The following GRK5 variants were observed in gnomAD, a reference collection of about 807,000 sequenced individuals.
GRK5 encodes g protein-coupled receptor kinase GRK5.
GRK5 carries 40 observed loss-of-function variants against 78.4 expected under a neutral mutation model. The observed-to-expected ratio is 0.51, with a 90% CI of 0.40 to 0.66. The LOEUF (loss-of-function observed/expected upper bound fraction) is 0.66. Ranked by LOEUF, GRK5 falls within the 30% of genes least tolerant of loss-of-function variation. The probability of loss-of-function intolerance (pLI) is 0.00; values close to 1 mark genes in which losing one functional copy is unlikely to be tolerated. For missense variants in GRK5, 598 were observed against 759.9 expected, an observed-to-expected ratio of 0.79 and a Z score of 2.50; for synonymous variants, 289 against 296.8, an observed-to-expected ratio of 0.97 and a Z score of 0.27.
At chr10:119,243,201 C>T (rs984265734) in intron 1 of GRK5, among the ~76,000 whole-genome samples, 6 of 152,210 alleles carry the variant, frequency 3.9e-5, no homozygotes, top group Non-Finnish European at 8.8e-5. Context: ...CACACCACTG[C>T]ATTCCCACCT....
At chr10:119,279,682 C>T (rs1053350595) in intron 1 of GRK5, among the ~76,000 whole-genome samples, 9 of 152,148 alleles carry the variant, frequency 5.9e-5, no homozygotes, top group African/African-American at 1.7e-4. Context: ...CCAGCTCCAA[C>T]GCTGCAGGGC....
At chr10:119,343,021 G>T (rs114438658) in intron 2 of GRK5, among the ~76,000 whole-genome samples, 58 of 152,332 alleles carry the variant, frequency 3.8e-4, no homozygotes, top group African/African-American at 1.4e-3. Flanking sequence ...CCCTGGGCAA[G>T]ATCCTGTGGA....
At chr10:119,246,577 G>A (rs1849116928) in intron 1 of GRK5, among the ~76,000 whole-genome samples, 1 of 152,194 alleles carries the variant, frequency 6.6e-6, no homozygotes, top group Non-Finnish European at 1.5e-5. Flanking sequence ...TTGGGTTAAG[G>A]GTTAAGTAAT....
intron 3 of GRK5, among the ~76,000 whole-genome samples, chr10:119,393,888 ATG>A (rs775651444): frequency 7.2e-6 from 1 of 139,306 alleles, no homozygotes; most frequent in East Asian, 2.3e-4. Context: ...GGGTGTCTGT[ATG>A]TGTGTGTGTA....
chr10:119,224,556 C>T (rs1848705312), intron 1 of GRK5, among the ~76,000 whole-genome samples: 1 of 151,982 alleles, frequency 6.6e-6, no homozygotes, highest in African/African-American at 2.4e-5. Flanking sequence ...ATTACAGGCG[C>T]CCGCCACCAT....
chr10:119,252,752 C>T (rs533563535), intron 1 of GRK5, among the ~76,000 whole-genome samples: 7 of 152,160 alleles, frequency 4.6e-5, no homozygotes, highest in Admixed American at 1.3e-4. Flanking sequence ...GGGCAAGTGT[C>T]TGTGAAGGGC....
chr10:119,356,351 A>C (rs1005599713), intron 2 of GRK5, among the ~76,000 whole-genome samples: 1 of 152,248 alleles, frequency 6.6e-6, no homozygotes, highest in Non-Finnish European at 1.5e-5. Context: ...TTAGTGGTCC[A>C]TCAGGGAATC....
In GRK5 at chr10:119,442,060, CG is replaced by C; in HGVS notation, c.1031del (p.Gly344AlafsTer14). The C allele has an allele frequency of 6.2e-7, 1 of 1,613,942 alleles. No homozygotes were observed. The highest frequency in any genetic ancestry group is 8.5e-7 in the Non-Finnish European group (1 of 1,179,900). On this transcript the variant is annotated frameshift_variant, in exon 11 of 16. Transcript: ENST00000392870. LOFTEE classifies it high-confidence loss of function. The part of the protein sequence containing the change: ...VKIPEGDLIR[G>X]RVGTVGYMAP... Reference sequence around the variant, plus strand: ...AGATCCCCGAGGGAGACCTGATCCGCGGCCGGGTGGGCACTGTTGGCTACAT... The same window carrying C: ...AGATCCCCGAGGGAGACCTGATCCGCGCCGGGTGGGCACTGTTGGCTACAT...
At chr10:119,443,825 C>A in intron 12 of GRK5, 73 bp downstream of exon 12, 1 of 1,301,936 alleles carries the variant, frequency 7.7e-7, no homozygotes, top group Non-Finnish European at 1.1e-6. Flanking sequence ...CAGTCTGTCC[C>A]CAGAACAGCA....
In GRK5 at chr10:119,217,805, G is replaced by A. The variant is rs1354897763; in HGVS notation, c.52+9836G>A. ...CTGGCCGCTTACTGCTCCTTAGGAG[G>A]TTCTCGCCCTCAGTTACCTCTGCCT... On this transcript the variant is annotated intron_variant, in intron 1 of 15. Transcript: ENST00000392870. This position sits in a 1 kb window ranked among gnomAD's most constrained non-coding sequence, Gnocchi z 4.1. Among the ~76,000 whole-genome samples the A allele has an allele frequency of 6.6e-6, 1 of 152,202 alleles. No homozygotes were observed. The highest frequency in any genetic ancestry group is 1.9e-4 in the East Asian group (1 of 5,202).
intron 1 of GRK5, among the ~76,000 whole-genome samples, chr10:119,316,480 G>A (rs1028626856): frequency 1.3e-5 from 2 of 152,192 alleles, no homozygotes; most frequent in African/African-American, 4.8e-5. Context: ...CCTCACTCCA[G>A]GCACCTGCCA....
chr10:119,413,354 C>T (rs1185960611), intron 4 of GRK5, among the ~76,000 whole-genome samples: 2 of 151,416 alleles, frequency 1.3e-5, no homozygotes, highest in Non-Finnish European at 2.9e-5. Flanking sequence ...GACAGACCTG[C>T]TATTCTCTAT....
chr10:119,273,191 G>A (rs1016035097), intron 1 of GRK5, among the ~76,000 whole-genome samples: 1 of 152,196 alleles, frequency 6.6e-6, no homozygotes, highest in Admixed American at 6.5e-5. Context: ...ACAGAATGTG[G>A]ATTTCCAGAA....
In GRK5 at chr10:119,430,724, G is replaced by A. The variant is rs1274358875; in HGVS notation, c.597+286G>A. Among the ~76,000 whole-genome samples the A allele has an allele frequency of 2.0e-5, 3 of 152,094 alleles. No individual in the cohort carries two copies. Among genetic ancestry groups the A allele is most frequent in the East Asian group, 3.9e-4 (2 of 5,158 alleles). On this transcript the variant is annotated intron_variant, in intron 7 of 15. Transcript: ENST00000392870. The surrounding 1 kb of genome is among the most constrained non-coding windows in gnomAD (Gnocchi z 4.5). ...AGAGGACAAATGGGCAGCCCTGGTC[G>A]TGTGTGGGGAGGAGATGTGAGGGCG...
At chr10:119,390,883 A>G (rs1851878621) in intron 3 of GRK5, among the ~76,000 whole-genome samples, 1 of 151,326 alleles carries the variant, frequency 6.6e-6, no homozygotes, top group Non-Finnish European at 1.5e-5. Context: ...AAACCATGTC[A>G]CCCTCTGCCA....
intron 10 of GRK5, among the ~76,000 whole-genome samples, chr10:119,440,556 T>A (rs1449620895): frequency 6.6e-6 from 1 of 151,438 alleles, no homozygotes; most frequent in Non-Finnish European, 1.5e-5. Flanking sequence ...TTTTGTATTT[T>A]TTTTTTTTTT....
chr10:119,364,515 G>C (rs1355906143), intron 2 of GRK5, among the ~76,000 whole-genome samples: 1 of 152,150 alleles, frequency 6.6e-6, no homozygotes, highest in African/African-American at 2.4e-5. Flanking sequence ...TTGTAGGTCC[G>C]TGTTTGTCAG....
chr10:119,388,440 G>A (rs1369069588), intron 3 of GRK5, among the ~76,000 whole-genome samples: 1 of 152,214 alleles, frequency 6.6e-6, no homozygotes, highest in Non-Finnish European at 1.5e-5. Context: ...GGGTTCAAGT[G>A]ATTCTCGTGC....
At chr10:119,293,557 A>C (rs994561403) in intron 1 of GRK5, among the ~76,000 whole-genome samples, 1 of 152,214 alleles carries the variant, frequency 6.6e-6, no homozygotes. Flanking sequence ...GGCCGTGGGC[A>C]TTGGGAGGAT....
Sources: gnomAD v4.1 joint callset for allele counts (sites outside exome capture counted in the v4.1 genomes callset) on GRCh38, gnomAD v4.1.1 for gene constraint, Gnocchi (gnomAD v3.1) non-coding constraint, MANE v1.5 for transcripts, NCBI Gene and HGNC (gene_info 2026-07-23, HGNC 2026-07-21) for gene names.